Variants in TSHZ3 observed in about 807,000 individuals in gnomAD.
TSHZ3 encodes teashirt zinc finger homeobox 3, also known as teashirt homolog 3.
Under a neutral mutation model 64.5 loss-of-function variants are expected in TSHZ3, and 10 were observed. The ratio of observed to expected loss-of-function variants is 0.16; its 90% CI spans 0.10 to 0.26. The LOEUF (loss-of-function observed/expected upper bound fraction) is 0.26, where lower values mean the gene tolerates loss of function less well. TSHZ3 is among the 10% of genes least tolerant of loss of function. The probability of loss-of-function intolerance (pLI) is 1.00; values close to 1 mark genes in which losing one functional copy is unlikely to be tolerated. For missense variants in TSHZ3, 1,242 were observed against 1,421.7 expected, an observed-to-expected ratio of 0.87 and a Z score of 2.03; for synonymous variants, 608 against 593.1, an observed-to-expected ratio of 1.03 and a Z score of -0.36.
At chr19:31,316,809 A>G (rs1259529800) in intron 1 of TSHZ3, among the ~76,000 whole-genome samples, 2 of 152,024 alleles carry the variant, frequency 1.3e-5, no homozygotes, top group Non-Finnish European at 2.9e-5. Flanking sequence ...GAGAGACAGA[A>G]GCCAACCCCC....
intron 1 of TSHZ3, among the ~76,000 whole-genome samples, chr19:31,345,287 T>C (rs1917554890): frequency 6.6e-6 from 1 of 152,174 alleles, no homozygotes; most frequent in South Asian, 2.1e-4. Context: ...GTGGCAGGTA[T>C]GAGACGAAAA....
At chr19:31,337,359 T>C (rs867483470) in intron 1 of TSHZ3, among the ~76,000 whole-genome samples, 1 of 152,226 alleles carries the variant, frequency 6.6e-6, no homozygotes, top group Non-Finnish European at 1.5e-5. Flanking sequence ...TTACCAATTA[T>C]ACCTGAAATG....
At chr19:31,309,336 G>A (rs561852589) in intron 1 of TSHZ3, among the ~76,000 whole-genome samples, 8 of 152,270 alleles carry the variant, frequency 5.3e-5, no homozygotes, top group Admixed American at 2.0e-4. Context: ...TTCCTTGCCT[G>A]AAGGAGGAAC....
chr19:31,188,126 T>A (rs1021915761), intron 5 of TSHZ3, among the ~76,000 whole-genome samples: 17 of 151,694 alleles, frequency 1.1e-4, no homozygotes, highest in African/African-American at 4.1e-4. Flanking sequence ...CATACATATA[T>A]TTTCTTAAGT....
At chr19:31,162,119 C>A (rs752227477) in intron 5 of TSHZ3, among the ~76,000 whole-genome samples, 1 of 152,088 alleles carries the variant, frequency 6.6e-6, no homozygotes, top group African/African-American at 2.4e-5. Context: ...TTTGAAGCTT[C>A]GTTATTTGCT....
chr19:31,189,138 G>A (rs979260848), intron 5 of TSHZ3, among the ~76,000 whole-genome samples: 2 of 151,652 alleles, frequency 1.3e-5, no homozygotes, highest in African/African-American at 4.8e-5. Context: ...ACCAACCCTG[G>A]AAATTTGTGT....
At chr19:31,158,434 G>A (rs993275458) in intron 5 of TSHZ3, among the ~76,000 whole-genome samples, 2 of 152,146 alleles carry the variant, frequency 1.3e-5, no homozygotes, top group Admixed American at 6.5e-5. Context: ...CCATTTTGTA[G>A]GTGAGAAGTT....
At chr19:31,331,758 G>C (rs1353843923) in intron 1 of TSHZ3, among the ~76,000 whole-genome samples, 1 of 152,160 alleles carries the variant, frequency 6.6e-6, no homozygotes, top group Non-Finnish European at 1.5e-5. Flanking sequence ...GGTCCAGCCG[G>C]GACAGTCAAT....
chr19:31,261,079 C>T (rs937531880), intron 1 of TSHZ3, among the ~76,000 whole-genome samples: 1 of 152,116 alleles, frequency 6.6e-6, no homozygotes, highest in Non-Finnish European at 1.5e-5. Context: ...GAGAAGCAAC[C>T]TGGAAACTTA....
At chr19:31,347,033 A>G (rs1316102466) in intron 1 of TSHZ3, among the ~76,000 whole-genome samples, 1 of 152,166 alleles carries the variant, frequency 6.6e-6, no homozygotes, top group Non-Finnish European at 1.5e-5. Context: ...TGTGCCTGTC[A>G]GGAGAGAGAC....
chr19:31,270,805 A>G (rs545653437), downstream of TSHZ3, among the ~76,000 whole-genome samples: 2 of 152,310 alleles, frequency 1.3e-5, no homozygotes, highest in East Asian at 1.9e-4. Flanking sequence ...AATGTATCCT[A>G]CTTCCTGAGT....
intron 5 of TSHZ3, among the ~76,000 whole-genome samples, chr19:31,170,453 G>A (rs1412054545): frequency 1.3e-5 from 2 of 152,054 alleles, no homozygotes; most frequent in African/African-American, 4.8e-5. Flanking sequence ...TATGATTTGG[G>A]GGTTTGGGGG....
intron 1 of TSHZ3, among the ~76,000 whole-genome samples, chr19:31,264,771 C>T (rs951691623): frequency 5.9e-5 from 9 of 151,268 alleles, no homozygotes; most frequent in Non-Finnish European, 1.3e-4. Context: ...CATATTCCAT[C>T]CATGGGTCAC....
intron 1 of TSHZ3, among the ~76,000 whole-genome samples, chr19:31,266,581 A>G (rs1203068385): frequency 6.6e-6 from 1 of 152,090 alleles, no homozygotes; most frequent in Non-Finnish European, 1.5e-5. Context: ...ATCCCAGACC[A>G]TAACCCTAAA....
intron 5 of TSHZ3, among the ~76,000 whole-genome samples, chr19:31,171,282 C>T (rs1385990058): frequency 6.6e-5 from 10 of 152,096 alleles, no homozygotes; most frequent in Non-Finnish European, 8.8e-5. Context: ...TAGATCACGT[C>T]GCTCCCTGCA....
intron 1 of TSHZ3, among the ~76,000 whole-genome samples, chr19:31,263,220 C>A (rs1418535870): frequency 6.6e-6 from 1 of 152,202 alleles, no homozygotes; most frequent in Admixed American, 6.5e-5. Flanking sequence ...CCTCCAAATT[C>A]TCAAGGCCGT....
At chr19:31,336,686 A>G in intron 1 of TSHZ3, among the ~76,000 whole-genome samples, 1 of 152,100 alleles carries the variant, frequency 6.6e-6, no homozygotes, top group East Asian at 1.9e-4. Context: ...AAGAGCCAAG[A>G]ATGTGGGCTG....
intron 5 of TSHZ3, among the ~76,000 whole-genome samples, chr19:31,157,555 A>G (rs1319194027): frequency 1.3e-5 from 2 of 152,238 alleles, no homozygotes; most frequent in East Asian, 1.9e-4. Flanking sequence ...AGAGAGCTGC[A>G]TAGATCACCA....
chr19:31,316,425 G>A (rs1423628352), intron 1 of TSHZ3, among the ~76,000 whole-genome samples: 1 of 152,186 alleles, frequency 6.6e-6, no homozygotes, highest in Non-Finnish European at 1.5e-5. Context: ...GAAAAGGCAG[G>A]TTTGCAAGAT....
Sources: allele counts gnomAD v4.1 joint callset (sites outside exome capture counted in the v4.1 genomes callset), GRCh38; gene constraint gnomAD v4.1.1; transcripts MANE v1.5; gene names NCBI Gene and HGNC (gene_info 2026-07-23, HGNC 2026-07-21).